ZNF764: variants seen among roughly 807,000 people sequenced by gnomAD.
ZNF764 encodes zinc finger protein 764.
ZNF764 carries 10 observed loss-of-function variants against 13.9 expected under a neutral mutation model. The observed-to-expected ratio is 0.72, with a 90% CI of 0.44 to 1.22. The LOEUF is 1.22. Ranked by LOEUF, ZNF764 falls within the 50% of genes most tolerant of loss-of-function variation. The pLI is 0.00. For missense variants in ZNF764, 647 were observed against 589.7 expected (o/e 1.10, Z -1.01); for synonymous variants, 313 against 255.1 (o/e 1.23, Z -2.16).
In ZNF764 at chr16:30,554,907, C is replaced by A; in HGVS notation, c.*287G>T. On this transcript the variant is annotated 3_prime_UTR_variant, in exon 3 of 3. Coordinates refer to ENST00000395091, the MANE Select transcript of ZNF764 (RefSeq NM_001172679.2). ...AAACAAGGTTCTCCTCTACCTCAGT[C>A]CTCTTAGCACCTCTGGGCTGAGAAA... 2.4e-6 allele frequency: 1 copy of A among 411,240 alleles called. No individual in the cohort carries two copies. Among genetic ancestry groups the A allele is most frequent in the Non-Finnish European group, 4.3e-6 (1 of 235,164 alleles). 25.5% of individuals were successfully genotyped at this position (411,240 alleles called of 1,614,324 possible). A position where few individuals can be genotyped will look rare whatever the true frequency, so the allele number is the denominator to read the frequency against.
In ZNF764 at chr16:30,558,166, G is replaced by A. The variant is rs546531608; in HGVS notation, c.17C>T (p.Ala6Val). The A allele has an allele frequency of 6.9e-6, 11 of 1,592,444 alleles. No individual in the cohort carries two copies. Among genetic ancestry groups the A allele is most frequent in the African/African-American group, 2.7e-5 (2 of 74,702 alleles). Residue 6 changes from alanine (A) to valine (V), a missense_variant, in exon 1 of 3, where the codon GCC becomes GTC. By Grantham distance (64) the Ala-to-Val change is moderately conservative. Coordinates refer to ENST00000395091, the MANE Select transcript of ZNF764 (RefSeq NM_001172679.2). MAPPL[A>V]PLPPRDPNGA... ...GTTTGGGTCCCGGGGAGGGAGCGGG[G>A]CCAGAGGCGGCGCCATGGTAACTGT...
Position 30,557,994 on chromosome 16 carries a change from G to C in ZNF764, c.189C>G (p.Ser63Arg). The change falls in exon 1 of 3, where the codon AGC becomes AGG. Residue 63 changes from serine to arginine, a missense_variant. Transcript: ENST00000395091. ...AGCAGGTGGGGCTCTCACCGAGAGC[G>C]CTCAGGTGGCCGTAGGTCTCCCGCA... ...DVMRETYGHL[S>R]ALGIGGNKPA... 6.2e-7 allele frequency: 1 copy of C among 1,602,222 alleles called. No homozygotes were observed. The highest frequency in any genetic ancestry group is 8.5e-7 in the Non-Finnish European group (1 of 1,175,008).
At chr16:30,556,580 G>C (rs2051558090) in intron 2 of ZNF764, among the ~76,000 whole-genome samples, 1 of 152,062 alleles carries the variant, frequency 6.6e-6, no homozygotes, top group Non-Finnish European at 1.5e-5. Context: ...CAGAGTTTAA[G>C]AGACTGGGCG....
In ZNF764 at chr16:30,558,253, G is replaced by A. The variant is rs1370576338; in HGVS notation, c.-71C>T. The A allele has an allele frequency of 2.1e-6, 3 of 1,439,152 alleles. No homozygotes were observed. The highest frequency in any genetic ancestry group is 1.4e-5 in the South Asian group (1 of 70,148). The allele number at this position is 1,439,152 out of a possible 1,614,324, so 89.1% of individuals were successfully genotyped here. A position where few individuals can be genotyped will look rare whatever the true frequency, so the allele number is the denominator to read the frequency against. Reference sequence around the variant, plus strand: ...GGCCTGGGCCTGCGGAACCTCCTGCGCCCGAGAAAGCCTCCCCGGCCCGGG... The same window carrying A: ...GGCCTGGGCCTGCGGAACCTCCTGCACCCGAGAAAGCCTCCCCGGCCCGGG... On this transcript the variant is annotated 5_prime_UTR_variant, in exon 1 of 3. Coordinates refer to ENST00000395091, the MANE Select transcript of ZNF764 (RefSeq NM_001172679.2).
chr16:30,555,931 C>T lies in ZNF764; in HGVS notation c.487G>A (p.Ala163Thr). 6.2e-7 allele frequency: 1 copy of T among 1,611,312 alleles called. No individual in the cohort carries two copies. Among genetic ancestry groups the T allele is most frequent in the South Asian group, 1.1e-5 (1 of 90,970 alleles). The change falls in exon 3 of 3, where the codon GCC (alanine) becomes ACC (threonine). Residue 163 changes from alanine to threonine, a missense_variant. Ala to Thr is a moderately conservative substitution (Grantham distance 58). Coordinates refer to ENST00000395091, the MANE Select transcript of ZNF764 (RefSeq NM_001172679.2). Reference sequence around the variant, plus strand: ...TCAGCTCGGGGGACAGGGGGGTGGGCACAGAGGGAGGGGCGTCCCCGGTGC... The same window carrying T: ...TCAGCTCGGGGGACAGGGGGGTGGGTACAGAGGGAGGGGCGTCCCCGGTGC... ...APHRGRPSLC[A>T]HPPVPRADQR...
rs749072758 is a variant in ZNF764, at chr16:30,558,176, G to A, written c.7C>T (p.Pro3Ser). MA[P>S]PLAPLPPRDP... ...CGGGGAGGGAGCGGGGCCAGAGGCG[G>A]CGCCATGGTAACTGTCAACCCCGAC... The change falls in exon 1 of 3, where the codon CCG (proline) becomes TCG (serine). Residue 3 changes from proline to serine, a missense_variant. Pro to Ser is a moderately conservative substitution (Grantham distance 74, BLOSUM62 -1). Coordinates refer to ENST00000395091, the MANE Select transcript of ZNF764 (RefSeq NM_001172679.2). The A allele has an allele frequency of 1.1e-5, 17 of 1,587,942 alleles. No individual in the cohort carries two copies. Among genetic ancestry groups the A allele is most frequent in the Non-Finnish European group, 1.3e-5 (15 of 1,172,974 alleles).
In ZNF764 at chr16:30,558,076, C is replaced by T. The variant is rs139523326; in HGVS notation, c.107G>A (p.Cys36Tyr). ...VSFADVAVYF[C>Y]REEWGCLRPA... ...CCGCAAGCAGCCCCACTCCTCCCGG[C>T]AGAAGTACACGGCCACGTCCGCGAA... Residue 36 changes from cysteine to tyrosine, a missense_variant, in exon 1 of 3, where the codon TGC (cysteine) becomes TAC (tyrosine). Cys to Tyr is a radical substitution (Grantham distance 194). Transcript: ENST00000395091. 6.2e-7 allele frequency: 1 copy of T among 1,612,066 alleles called. No homozygotes were observed. Among genetic ancestry groups the T allele is most frequent in the Admixed American group, 1.7e-5 (1 of 59,868 alleles).
rs530685858 is a variant in ZNF764, at chr16:30,555,539, G to A, written c.879C>T (p.Arg293=). 5.9e-6 allele frequency: 9 copies of A among 1,531,462 alleles called. No homozygotes were observed. In the Admixed American group the frequency reaches 8.2e-5, roughly 14 times the overall value. The allele number at this position is 1,531,462 out of a possible 1,614,324, so 94.9% of individuals were successfully genotyped here. ...GCAGGTCCGAGGGGTAGGCGAAGGC[G>A]CGGCCACAGTCCGGGCAGGGGAAGG... The part of the protein sequence containing the change: ...ETPFPCPDCG[R]AFAYPSDLRR... Residue 293 remains arginine, a synonymous_variant, in exon 3 of 3, where the codon CGC becomes CGT. Transcript: ENST00000395091.
At position 30,555,237 on chromosome 16, in the gene ZNF764, A is replaced by C. The variant is rs1356819761; in HGVS notation, c.1181T>G (p.Val394Gly). ...TPGHGDLDPP[V>G]GFQLYPEIFQ... ...TATCTCCGGGTACAGCTGGAAGCCC[A>C]CGGGCGGGTCCAGGTCTCCGTGGCC... Residue 394 changes from valine (V) to glycine (G), a missense_variant, in exon 3 of 3, where the codon GTG (valine) becomes GGG (glycine). By Grantham distance (109) the Val-to-Gly change is moderately radical. Transcript: ENST00000395091. The C allele has an allele frequency of 1.2e-6, 2 of 1,611,784 alleles. No individual in the cohort carries two copies. Among genetic ancestry groups the C allele is most frequent in the Admixed American group, 3.4e-5 (2 of 59,494 alleles).
Position 30,555,551 on chromosome 16 carries a change from C to T in ZNF764, c.867G>A (p.Pro289=), listed in dbSNP as rs1313702350. 2.0e-6 allele frequency: 3 copies of T among 1,531,302 alleles called. No individual in the cohort carries two copies. Among genetic ancestry groups the T allele is most frequent in the East Asian group, 2.3e-5 (1 of 43,346 alleles). The allele number at this position is 1,531,302 out of a possible 1,614,324, so 94.9% of individuals were successfully genotyped here. A position where few individuals can be genotyped will look rare whatever the true frequency, so the allele number is the denominator to read the frequency against. ...VHSGETPFPC[P]DCGRAFAYPS... ...GGTAGGCGAAGGCGCGGCCACAGTC[C>T]GGGCAGGGGAAGGGGGTCTCGCCGC... The change falls in exon 3 of 3, where the codon CCG becomes CCA. Residue 289 remains proline, a synonymous_variant. Transcript: ENST00000395091.
At position 30,556,104 on chromosome 16, in the gene ZNF764, G is replaced by A. The variant is rs2051554142; in HGVS notation, c.314C>T (p.Ser105Phe). The change falls in exon 3 of 3, where the codon TCC becomes TTC. Residue 105 changes from serine to phenylalanine, a missense_variant. Ser to Phe is a radical substitution (Grantham distance 155). Coordinates refer to ENST00000395091, the MANE Select transcript of ZNF764 (RefSeq NM_001172679.2). ...AKCQTQTDPD[S>F]RNKKKERQRE... ...TTGTCTTTCCTTTTTCTTGTTTCTG[G>A]AATCTGCTGAGAGATAAAGAGGGGA... 1.9e-6 allele frequency: 3 copies of A among 1,610,712 alleles called. No homozygotes were observed. Among genetic ancestry groups the A allele is most frequent in the Non-Finnish European group, 2.5e-6 (3 of 1,180,006 alleles).
chr16:30,555,965 G>C lies in ZNF764; in HGVS notation c.453C>G (p.Ser151=), dbSNP rs371589847. ...AGGGGCGTCCCCGGTGCGGTGCCTT[G>C]GACAGCTGCTCCCAACCATAAGGGG... ...AGPPYGWEQL[S]KAPHRGRPSL... Residue 151 remains serine, a synonymous_variant, in exon 3 of 3, where the codon TCC becomes TCG. Coordinates refer to ENST00000395091, the MANE Select transcript of ZNF764 (RefSeq NM_001172679.2). The C allele has an allele frequency of 1.4e-5, 23 of 1,611,860 alleles. No homozygotes were observed. Among genetic ancestry groups the C allele is most frequent in the Non-Finnish European group, 1.9e-5 (22 of 1,179,902 alleles).
Position 30,557,980 on chromosome 16 carries a change from C to A in ZNF764, c.196+7G>T. The A allele has an allele frequency of 1.3e-6, 2 of 1,593,868 alleles. No homozygotes were observed. The highest frequency in any genetic ancestry group is 1.1e-5 in the South Asian group (1 of 88,780). On this transcript the variant is annotated splice_region_variant and intron_variant, in intron 1 of 2. Coordinates refer to ENST00000395091, the MANE Select transcript of ZNF764 (RefSeq NM_001172679.2). Reference sequence around the variant, plus strand: ...GCAGGGCTCAGGCGAGCAGGTGGGGCTCTCACCGAGAGCGCTCAGGTGGCC... The same window carrying A: ...GCAGGGCTCAGGCGAGCAGGTGGGGATCTCACCGAGAGCGCTCAGGTGGCC...
rs775603765 is a variant in ZNF764, at chr16:30,555,533, G to A, written c.885C>T (p.Phe295=). 1.3e-6 allele frequency: 2 copies of A among 1,531,346 alleles called. No individual in the cohort carries two copies. The highest frequency in any genetic ancestry group is 4.1e-5 in the Admixed American group (2 of 48,206). 94.9% of individuals were successfully genotyped at this position (1,531,346 alleles called of 1,614,324 possible). Residue 295 remains phenylalanine (F), a synonymous_variant, in exon 3 of 3, where the codon TTC becomes TTT. Coordinates refer to ENST00000395091, the MANE Select transcript of ZNF764 (RefSeq NM_001172679.2). ...GGCGCCGCAGGTCCGAGGGGTAGGC[G>A]AAGGCGCGGCCACAGTCCGGGCAGG... The part of the protein sequence containing the change: ...PFPCPDCGRA[F]AYPSDLRRHV...
Position 30,555,981 on chromosome 16 carries a change from C to T in ZNF764, c.437G>A (p.Gly146Asp). 6.2e-7 allele frequency: 1 copy of T among 1,612,294 alleles called. No homozygotes were observed. The highest frequency in any genetic ancestry group is 1.7e-4 in the Middle Eastern group (1 of 5,962). Reference protein sequence around the residue: ...PQAPSAGPPYGWEQLSKAPHR... With the variant: ...PQAPSAGPPYDWEQLSKAPHR... The stretch of plus-strand genomic sequence containing the variant: ...CGGTGCCTTGGACAGCTGCTCCCAA[C>T]CATAAGGGGGCCCGGCCGAGGGGGC... Residue 146 changes from glycine to aspartate, a missense_variant, in exon 3 of 3, where the codon GGT becomes GAT. Coordinates refer to ENST00000395091, the MANE Select transcript of ZNF764 (RefSeq NM_001172679.2).
Position 30,554,855 on chromosome 16 carries a change from A to G in ZNF764, c.*339T>C, listed in dbSNP as rs889355296. ...GAGGGTCACAAGAATAAAAATAATG[A>G]TAAAAAATTTAAAAAGACAATGGGT... On this transcript the variant is annotated 3_prime_UTR_variant, in exon 3 of 3. Transcript: ENST00000395091. 1.0e-5 allele frequency: 3 copies of G among 290,726 alleles called. No homozygotes were observed. Among genetic ancestry groups the G allele is most frequent in the African/African-American group, 6.5e-5 (3 of 46,052 alleles). 18.0% of individuals were successfully genotyped at this position (290,726 alleles called of 1,614,324 possible). A position where few individuals can be genotyped will look rare whatever the true frequency, so the allele number is the denominator to read the frequency against.
At position 30,555,211 on chromosome 16, in the gene ZNF764, A is replaced by G. The variant is rs376016718; in HGVS notation, c.1207T>C (p.Phe403Leu). The change falls in exon 3 of 3, where the codon TTC (phenylalanine) becomes CTC (leucine). Residue 403 changes from phenylalanine (F) to leucine (L), a missense_variant. Physicochemically the swap from Phe to Leu is conservative, Grantham distance 22. Transcript: ENST00000395091. ...PVGFQLYPEIFQECG is the reference protein window; with the variant it reads ...PVGFQLYPEILQECG ...TAAGGCCGTCACCCACACTCCTGGAATATCTCCGGGTACAGCTGGAAGCCC... is the reference window on the plus strand; with the variant it reads ...TAAGGCCGTCACCCACACTCCTGGAGTATCTCCGGGTACAGCTGGAAGCCC... The G allele has an allele frequency of 1.9e-4, 312 of 1,610,200 alleles. 8 individuals carry two copies. The East Asian group carries it at 2.3e-3, about 12-fold the overall frequency.
chr16:30,555,942 G>C lies in ZNF764; in HGVS notation c.476C>G (p.Pro159Arg). ...GACAGGGGGGTGGGCACAGAGGGAG[G>C]GGCGTCCCCGGTGCGGTGCCTTGGA... is the stretch of plus-strand genomic sequence containing the variant. Reference protein sequence around the residue: ...QLSKAPHRGRPSLCAHPPVPR... With the variant: ...QLSKAPHRGRRSLCAHPPVPR... Residue 159 changes from proline to arginine, a missense_variant, in exon 3 of 3, where the codon CCC becomes CGC. Transcript: ENST00000395091. 2 of 1,611,604 alleles carry C rather than the reference G, an allele frequency of 1.2e-6. No homozygotes were observed. Among genetic ancestry groups the C allele is most frequent in the African/African-American group, 1.3e-5 (1 of 75,034 alleles).
chr16:30,556,996 C>T lies in ZNF764; in HGVS notation c.310+737G>A, dbSNP rs184883637. Among the ~76,000 whole-genome samples the T allele has an allele frequency of 3.3e-3, 497 of 152,174 alleles. 2 individuals are homozygous for T. The highest frequency in any genetic ancestry group is 0.012 in the African/African-American group (484 of 41,524). On this transcript the variant is annotated intron_variant, in intron 2 of 2. Transcript: ENST00000395091. ...CTAAAAACACAAAAACAAAATTAGC[C>T]GGGCGTGGTGGCGGGCGCCTGTAGT... is the stretch of plus-strand genomic sequence containing the variant.
Sources: gnomAD v4.1 joint callset for allele counts (sites outside exome capture counted in the v4.1 genomes callset) on GRCh38, gnomAD v4.1.1 for gene constraint, MANE v1.5 for transcripts, NCBI Gene and HGNC (gene_info 2026-07-23, HGNC 2026-07-21) for gene names.